TSC22D2: variants seen among roughly 807,000 people sequenced by gnomAD.
TSC22D2 encodes the protein TSC22 domain family member 2.
In TSC22D2, 5 loss-of-function variants were observed where a neutral mutation model predicts 50.1. That is an observed-to-expected ratio of 0.10 (90% CI 0.05 to 0.21). TSC22D2 has a LOEUF of 0.21. TSC22D2 is among the 10% of genes least tolerant of loss of function. The pLI, the probability that TSC22D2 is intolerant of heterozygous loss-of-function variation, is 1.00. For missense variants in TSC22D2, 1,003 were observed against 1,015.5 expected (o/e 0.99, Z 0.17); for synonymous variants, 501 against 450.1 (o/e 1.11, Z -1.43).
Position 150,409,981 on chromosome 3 carries a change from A to G in TSC22D2, c.631A>G (p.Thr211Ala). The G allele has an allele frequency of 3.1e-6, 5 of 1,613,780 alleles. No homozygotes were observed. Among genetic ancestry groups the G allele is most frequent in the Non-Finnish European group, 4.2e-6 (5 of 1,180,022 alleles). ...TAGACACAGCAGTACTTTTGACCAG[A>G]CTGCGGAGCGGGACAGCGGCCTGGG... ...CIRHSSTFDQ[T>A]AERDSGLGAT... is the part of the protein sequence containing the mutation. Residue 211 changes from threonine to alanine, a missense_variant, in exon 1 of 3, where the codon ACT becomes GCT. Transcript: ENST00000688009. This position sits in a 1 kb window ranked among gnomAD's most constrained non-coding sequence, Gnocchi z 7.4.
At chr3:150,433,052 CTAAAG>C (rs1720429339) in intron 1 of TSC22D2, among the ~76,000 whole-genome samples, 1 of 152,092 alleles carries the variant, frequency 6.6e-6, no homozygotes, top group South Asian at 2.1e-4. Flanking sequence ...TTGGCTACTT[CTAAAG>C]TATTTTTCAT....
rs971456729 is a variant in TSC22D2 at position 150,409,229 on chromosome 3, CG to C, written c.-119del. Reference sequence around the variant, plus strand: ...ATCAGCCCGTGACTCTTAACAGCGGCGGGCCTCAGACCCCAGCGCAGACTCG... The same window carrying C: ...ATCAGCCCGTGACTCTTAACAGCGGCGGCCTCAGACCCCAGCGCAGACTCG... On this transcript the variant is annotated 5_prime_UTR_variant, in exon 1 of 3. Coordinates refer to ENST00000688009, the MANE Select transcript of TSC22D2 (RefSeq NM_001303264.2). This position sits in a 1 kb window ranked among gnomAD's most constrained non-coding sequence, Gnocchi z 7.4. The C allele has an allele frequency of 2.1e-5, 24 of 1,139,670 alleles. No homozygotes were observed. The highest frequency in any genetic ancestry group is 2.8e-5 in the Non-Finnish European group (23 of 828,746). The allele number at this position is 1,139,670 out of a possible 1,614,324, so 70.6% of individuals were successfully genotyped here. A position where few individuals can be genotyped will look rare whatever the true frequency, so the allele number is the denominator to read the frequency against.
chr3:150,413,564 T>G (rs1426905486), intron 1 of TSC22D2, among the ~76,000 whole-genome samples: 1 of 150,000 alleles, frequency 6.7e-6, no homozygotes, highest in African/African-American at 2.4e-5. Context: ...GTTTTGTGTT[T>G]TTTTTTTTTA....
chr3:150,439,695 C>G (rs1184845350), intron 1 of TSC22D2, among the ~76,000 whole-genome samples: 2 of 151,916 alleles, frequency 1.3e-5, no homozygotes, highest in Non-Finnish European at 2.9e-5. Flanking sequence ...GAGCATTTGT[C>G]AGATTTTCAT....
At chr3:150,417,399 C>T (rs2167177) in intron 1 of TSC22D2, among the ~76,000 whole-genome samples, 88,357 of 151,872 alleles carry the variant, frequency 0.58, 26,117 homozygotes, top group Non-Finnish European at 0.64. Context: ...CTTTGCTTGG[C>T]ATACCGTCTA....
chr3:150,423,806 C>G (rs577612623), intron 1 of TSC22D2, among the ~76,000 whole-genome samples: 3 of 152,128 alleles, frequency 2.0e-5, no homozygotes, highest in Non-Finnish European at 4.4e-5. Context: ...AATCGTTTTG[C>G]TGAATATTTA....
chr3:150,455,914 CAAT>C (rs1459421323), intron 1 of TSC22D2, among the ~76,000 whole-genome samples: 1 of 151,318 alleles, frequency 6.6e-6, no homozygotes, highest in Non-Finnish European at 1.5e-5. Flanking sequence ...CATTAAAAAA[CAAT>C]AAAAGGGTAT....
chr3:150,431,057 T>A (rs559472650), intron 1 of TSC22D2, among the ~76,000 whole-genome samples: 1 of 151,698 alleles, frequency 6.6e-6, no homozygotes, highest in South Asian at 2.1e-4. Context: ...AAACCCCATC[T>A]CTACTAAAAA....
At chr3:150,450,460 T>C (rs1328253431) in intron 1 of TSC22D2, among the ~76,000 whole-genome samples, 2 of 152,130 alleles carry the variant, frequency 1.3e-5, no homozygotes, top group Non-Finnish European at 1.5e-5. Context: ...TTTTGGGTTT[T>C]TTTTTAATCA....
rs896594598 is a variant in TSC22D2 at position 150,463,548 on chromosome 3, A to G, written c.*4912A>G. ...TTCTGTACCAGTTCACAGAATTTCT[A>G]CAGCAAGATCCCTTTAAATGTATGG... On this transcript the variant is annotated 3_prime_UTR_variant, in exon 3 of 3. Transcript: ENST00000688009. The G allele has an allele frequency of 6.6e-6, 1 of 152,196 alleles. No individual in the cohort carries two copies. Among genetic ancestry groups the G allele is most frequent in the African/African-American group, 2.4e-5 (1 of 41,448 alleles). The allele number at this position is 152,196 out of a possible 1,614,324, so 9.4% of individuals were successfully genotyped here.
chr3:150,461,327 A>G lies in TSC22D2; in HGVS notation c.*2691A>G, dbSNP rs929231162. On this transcript the variant is annotated 3_prime_UTR_variant, in exon 3 of 3. Transcript: ENST00000688009. Reference sequence around the variant, plus strand: ...TGTTTAGGATCTTAAGTAACTTCCAATTCAGCTTTGGAGATTTAGTCTCCT... The same window carrying G: ...TGTTTAGGATCTTAAGTAACTTCCAGTTCAGCTTTGGAGATTTAGTCTCCT... 2 of 152,150 alleles carry G rather than the reference A, an allele frequency of 1.3e-5. No homozygotes were observed. Among genetic ancestry groups the G allele is most frequent in the Non-Finnish European group, 2.9e-5 (2 of 68,036 alleles). The allele number at this position is 152,150 out of a possible 1,614,324, so 9.4% of individuals were successfully genotyped here.
Position 150,425,668 on chromosome 3 carries a change from A to C in TSC22D2, c.1958+14360A>C, listed in dbSNP as rs967560008. Among the ~76,000 whole-genome samples, 3 of 152,206 alleles carry C rather than the reference A, an allele frequency of 2.0e-5. 1 individual carries two copies. The highest frequency in any genetic ancestry group is 6.3e-3 in the Middle Eastern group (2 of 316). On this transcript the variant is annotated intron_variant, in intron 1 of 2. Coordinates refer to ENST00000688009, the MANE Select transcript of TSC22D2 (RefSeq NM_001303264.2). ...TTATGAAATGTTGGAAATCATTTTCAGTAGGGGCAGCTTTTAAGTGCCCAT... is the reference window on the plus strand; with the variant it reads ...TTATGAAATGTTGGAAATCATTTTCCGTAGGGGCAGCTTTTAAGTGCCCAT...
At chr3:150,425,410 G>A (rs1179507496) in intron 1 of TSC22D2, among the ~76,000 whole-genome samples, 1 of 152,120 alleles carries the variant, frequency 6.6e-6, no homozygotes, top group East Asian at 1.9e-4. Context: ...CAGCTACTCG[G>A]GAGGCCAAGG....
intron 1 of TSC22D2, among the ~76,000 whole-genome samples, chr3:150,426,241 G>T (rs1390061209): frequency 6.6e-6 from 1 of 151,882 alleles, no homozygotes; most frequent in Non-Finnish European, 1.5e-5. Context: ...AGCTTTCTGG[G>T]AGATTATCTT....
intron 1 of TSC22D2, among the ~76,000 whole-genome samples, chr3:150,452,805 T>G (rs565667204): frequency 7.9e-5 from 12 of 152,344 alleles, no homozygotes; most frequent in African/African-American, 2.6e-4. Context: ...TTTCTTACTT[T>G]CCACAGCTCT....
At chr3:150,440,063 T>G (rs950300814) in intron 1 of TSC22D2, among the ~76,000 whole-genome samples, 1 of 152,224 alleles carries the variant, frequency 6.6e-6, no homozygotes, top group Non-Finnish European at 1.5e-5. Flanking sequence ...TTAATAGATA[T>G]TATCAATATC....
At chr3:150,427,224 G>A (rs921217975) in intron 1 of TSC22D2, among the ~76,000 whole-genome samples, 3 of 151,844 alleles carry the variant, frequency 2.0e-5, no homozygotes, top group Admixed American at 6.6e-5. Flanking sequence ...AATTTGTATC[G>A]GAAAAGTGCA....
At chr3:150,424,590 G>A (rs1044521463) in intron 1 of TSC22D2, among the ~76,000 whole-genome samples, 1 of 152,090 alleles carries the variant, frequency 6.6e-6, no homozygotes, top group Non-Finnish European at 1.5e-5. Context: ...TACATCATTT[G>A]TTGTTACAGC....
In TSC22D2 at chr3:150,448,892, AT is replaced by A. The variant is rs543232615; in HGVS notation, c.1959-8183del. Among the ~76,000 whole-genome samples, 178 of 151,188 alleles carry A rather than the reference AT, an allele frequency of 1.2e-3. 1 individual carries two copies. The South Asian group carries it at 0.022, about 18-fold the overall frequency. On this transcript the variant is annotated intron_variant, in intron 1 of 2. Coordinates refer to ENST00000688009, the MANE Select transcript of TSC22D2 (RefSeq NM_001303264.2). Reference sequence around the variant, plus strand: ...TTTAATCTTGTATATATATATATATATATAATTAGGGGATAAATTTTTAATG... The same window carrying A: ...TTTAATCTTGTATATATATATATATAATAATTAGGGGATAAATTTTTAATG...
Sources: allele counts gnomAD v4.1 joint callset (sites outside exome capture counted in the v4.1 genomes callset), GRCh38; gene constraint gnomAD v4.1.1; non-coding constraint Gnocchi (gnomAD v3.1); transcripts MANE v1.5; gene names NCBI Gene and HGNC (gene_info 2026-07-23, HGNC 2026-07-21).